Variants in FAM3C observed in about 807,000 individuals in gnomAD.
FAM3C encodes the protein protein FAM3C.
A neutral mutation model predicts 32.5 loss-of-function variants in FAM3C; 15 were observed. That is an observed-to-expected ratio of 0.46 (90% CI 0.31 to 0.71). FAM3C has a LOEUF of 0.71. Ranked by LOEUF, FAM3C falls within the 30% of genes least tolerant of loss-of-function variation. The probability of loss-of-function intolerance (pLI) is 0.05; values close to 1 mark genes in which losing one functional copy is unlikely to be tolerated. For synonymous variants in FAM3C, 75 were observed against 86.1 expected, an observed-to-expected ratio of 0.87 and a Z score of 0.72; for missense variants, 175 against 274.4, an observed-to-expected ratio of 0.64 and a Z score of 2.56.
chr7:121,385,484 G>C (rs776269322), intron 1 of FAM3C, among the ~76,000 whole-genome samples: 6 of 152,162 alleles, frequency 3.9e-5, no homozygotes, highest in Non-Finnish European at 8.8e-5. Context: ...CTGAACTAGG[G>C]CCTCAGATGG....
intron 9 of FAM3C, 146 bp from the exon 10 acceptor site, chr7:121,350,696 A>G: frequency 1.2e-6 from 1 of 815,582 alleles, no homozygotes; most frequent in Admixed American, 2.7e-5. Context: ...TAAATGAGTG[A>G]CCCTCAGGCT....
At chr7:121,384,804 C>T (rs1794434473) in intron 1 of FAM3C, among the ~76,000 whole-genome samples, 1 of 152,126 alleles carries the variant, frequency 6.6e-6, no homozygotes, top group Non-Finnish European at 1.5e-5. Flanking sequence ...CCATAACATG[C>T]CTCAATTAAT....
chr7:121,371,541 C>G, intron 4 of FAM3C, 118 bp from the exon 5 acceptor site: 1 of 1,074,458 alleles, frequency 9.3e-7, no homozygotes, highest in Middle Eastern at 2.2e-4. Flanking sequence ...ATACACGTAT[C>G]TTAAAATACA....
intron 5 of FAM3C, among the ~76,000 whole-genome samples, chr7:121,367,309 T>G (rs1446329847): frequency 6.6e-6 from 1 of 152,218 alleles, no homozygotes; most frequent in African/African-American, 2.4e-5. Flanking sequence ...AGTTATTATC[T>G]CTTAAGATGG....
At chr7:121,379,147 C>T in intron 2 of FAM3C, 133 bp from the exon 3 acceptor site, 2 of 550,126 alleles carry the variant, frequency 3.6e-6, no homozygotes, top group Non-Finnish European at 6.5e-6. Flanking sequence ...CTTAATTTTA[C>T]ATGAGATACA....
chr7:121,365,121 CATAA>C (rs920425498), intron 5 of FAM3C, among the ~76,000 whole-genome samples: 4 of 152,108 alleles, frequency 2.6e-5, no homozygotes, highest in African/African-American at 9.7e-5. Context: ...CACACAATTT[CATAA>C]ATAAAATCTA....
At chr7:121,379,214 C>CA (rs1554375059) in intron 2 of FAM3C, among the ~76,000 whole-genome samples, 200 bp from the exon 3 acceptor site, 2 of 152,080 alleles carry the variant, frequency 1.3e-5, no homozygotes, top group Non-Finnish European at 2.9e-5. Flanking sequence ...AAAGAATTCT[C>CA]AGATTATCTA....
Position 121,395,212 on chromosome 7 carries a change from G to GATACATACATATATATGGATAC in FAM3C, c.-42+928_-42+949dup, listed in dbSNP as rs1432400759. Among the ~76,000 whole-genome samples, 89 of 149,612 alleles carry GATACATACATATATATGGATAC rather than the reference G, an allele frequency of 5.9e-4. No individual in the cohort carries two copies. The Middle Eastern group carries it at 0.011, about 18-fold the overall frequency. On this transcript the variant is annotated intron_variant, in intron 1 of 9. Transcript: ENST00000359943. Reference sequence around the variant, plus strand: ...ATACATGGATACATACATATATACGGATACATACATATATATGGATACATA... The same window carrying GATACATACATATATATGGATAC: ...ATACATGGATACATACATATATACGGATACATACATATATATGGATACATACATACATATATATGGATACATA...
intron 5 of FAM3C, among the ~76,000 whole-genome samples, chr7:121,365,935 T>C (rs1202706464): frequency 1.3e-5 from 2 of 152,130 alleles, no homozygotes; most frequent in African/African-American, 4.8e-5. Flanking sequence ...GATATACAAA[T>C]GGCCAATAAG....
intron 2 of FAM3C, among the ~76,000 whole-genome samples, chr7:121,382,175 C>T (rs1462435555): frequency 6.6e-6 from 1 of 152,134 alleles, no homozygotes; most frequent in East Asian, 1.9e-4. Flanking sequence ...ATTTTTACTA[C>T]ACAGGAAGAG....
At chr7:121,389,657 A>G (rs1794537596) in intron 1 of FAM3C, among the ~76,000 whole-genome samples, 2 of 152,068 alleles carry the variant, frequency 1.3e-5, no homozygotes, top group Non-Finnish European at 1.5e-5. Flanking sequence ...TATTGCCATT[A>G]CATCCTACCA....
chr7:121,395,690 T>A (rs1794676367), intron 1 of FAM3C, among the ~76,000 whole-genome samples: 2 of 151,778 alleles, frequency 1.3e-5, no homozygotes, highest in African/African-American at 2.4e-5. Flanking sequence ...CAAAAGTACC[T>A]CTAGTATAGG....
intron 2 of FAM3C, among the ~76,000 whole-genome samples, chr7:121,379,297 CAA>C (rs1226354560): frequency 6.6e-6 from 1 of 151,938 alleles, no homozygotes; most frequent in East Asian, 1.9e-4. Flanking sequence ...TTGCTGACAA[CAA>C]AAAAGTGTCA....
intron 7 of FAM3C, among the ~76,000 whole-genome samples, chr7:121,361,659 A>G (rs1793925864): frequency 6.6e-6 from 1 of 152,222 alleles, no homozygotes; most frequent in African/African-American, 2.4e-5. Context: ...ACATTATTTA[A>G]TAACAAAATA....
chr7:121,385,817 A>G (rs1376898591), intron 1 of FAM3C, among the ~76,000 whole-genome samples: 1 of 152,194 alleles, frequency 6.6e-6, no homozygotes, highest in African/African-American at 2.4e-5. Context: ...GTATGAATAC[A>G]TACTTATGTC....
rs1162673359 is a variant in FAM3C, at chr7:121,360,115, A to ATTT, written c.394_395insAAA (p.Phe132delinsTer). 1 of 1,590,586 alleles carries ATTT rather than the reference A, an allele frequency of 6.3e-7. No individual in the cohort carries two copies. Among genetic ancestry groups the ATTT allele is most frequent in the Admixed American group, 1.7e-5 (1 of 59,958 alleles). On this transcript the variant is annotated stop_gained, in exon 8 of 10. Coordinates refer to ENST00000359943, the MANE Select transcript of FAM3C (RefSeq NM_014888.3). LOFTEE classifies it high-confidence loss of function. ...TTGTATGGCCTTCAGAAACTCAATAAATGGTGCCACATCTGAAGAAAAAGA... is the reference window on the plus strand; with the variant it reads ...TTGTATGGCCTTCAGAAACTCAATAATTTATGGTGCCACATCTGAAGAAAAAGA...
intron 5 of FAM3C, among the ~76,000 whole-genome samples, chr7:121,369,266 C>A (rs968943849): frequency 2.9e-4 from 44 of 152,252 alleles, no homozygotes; most frequent in African/African-American, 9.9e-4. Flanking sequence ...CAGGCATGAG[C>A]CACCACGCCC....
chr7:121,376,955 A>G (rs1794248899), intron 3 of FAM3C, among the ~76,000 whole-genome samples: 1 of 152,166 alleles, frequency 6.6e-6, no homozygotes, highest in Non-Finnish European at 1.5e-5. Flanking sequence ...AAACACTGGA[A>G]TAACAGTCTT....
intron 3 of FAM3C, among the ~76,000 whole-genome samples, chr7:121,375,103 GA>G (rs1024240152): frequency 1.3e-5 from 2 of 151,604 alleles, no homozygotes; most frequent in Non-Finnish European, 2.9e-5. Context: ...AGGAAAAAAA[GA>G]AAAAAAATTA....
Sources: gnomAD v4.1 joint callset for allele counts (sites outside exome capture counted in the v4.1 genomes callset) on GRCh38, gnomAD v4.1.1 for gene constraint, MANE v1.5 for transcripts, NCBI Gene and HGNC (gene_info 2026-07-23, HGNC 2026-07-21) for gene names.